The following MFHAS1 variants were observed in gnomAD, a reference collection of about 807,000 sequenced individuals.
MFHAS1 encodes the protein malignant fibrous histiocytoma-amplified sequence 1.
In MFHAS1, 50 loss-of-function variants were observed where a neutral mutation model predicts 70.4. The observed-to-expected ratio is 0.71, with a 90% CI of 0.57 to 0.90. The LOEUF (loss-of-function observed/expected upper bound fraction) is 0.90, where lower values mean the gene tolerates loss of function less well. MFHAS1 is among the 40% of genes least tolerant of loss of function. The pLI is 0.00. For synonymous variants in MFHAS1, 952 were observed against 620.0 expected (o/e 1.54, Z -7.96); for missense variants, 1,795 against 1,347.6 (o/e 1.33, Z -5.20).
chr8:8,848,219 C>T (rs1369231553), intron 1 of MFHAS1, among the ~76,000 whole-genome samples: 1 of 152,200 alleles, frequency 6.6e-6, no homozygotes, highest in Non-Finnish European at 1.5e-5. Flanking sequence ...TTGCCATCTG[C>T]ATCCTGCTGT....
chr8:8,837,714 C>G (rs1412670877), intron 1 of MFHAS1, among the ~76,000 whole-genome samples: 1 of 149,598 alleles, frequency 6.7e-6, no homozygotes, highest in Non-Finnish European at 1.5e-5. Context: ...AAATTTAAAA[C>G]ACAATGAGAT....
chr8:8,790,289 A>G (rs1805679545), intron 2 of MFHAS1: 15 of 790,428 alleles, frequency 1.9e-5, no homozygotes, highest in Non-Finnish European at 2.1e-5. Context: ...GGCCTTACCT[A>G]TTTAAGAAAT....
Position 8,890,363 on chromosome 8 carries a change from C to T in MFHAS1, c.2696G>A (p.Ser899Asn), listed in dbSNP as rs751453118. ...TFPLGLFARY[S>N]VQINSHVVHR... is the part of the protein sequence containing the mutation. Reference sequence around the variant, plus strand: ...CACCACATGGCTGTTGATCTGGACACTGTAGCGTGCAAACAACCCAAGTGG... The same window carrying T: ...CACCACATGGCTGTTGATCTGGACATTGTAGCGTGCAAACAACCCAAGTGG... Residue 899 changes from serine (S) to asparagine (N), a missense_variant, in exon 1 of 3, where the codon AGT becomes AAT. Transcript: ENST00000276282. 1 of 1,614,210 alleles carries T rather than the reference C, an allele frequency of 6.2e-7. No individual in the cohort carries two copies. The highest frequency in any genetic ancestry group is 8.5e-7 in the Non-Finnish European group (1 of 1,180,044).
chr8:8,890,024 G>A (rs1220893007), intron 1 of MFHAS1, 37 bp downstream of exon 1: 2 of 1,481,958 alleles, frequency 1.3e-6, no homozygotes, highest in Non-Finnish European at 1.8e-6. Context: ...ATATCTTACA[G>A]CATACCACAG....
chr8:8,791,859 T>C (rs1457896127), intron 2 of MFHAS1, among the ~76,000 whole-genome samples: 3 of 152,008 alleles, frequency 2.0e-5, no homozygotes, highest in Admixed American at 6.6e-5. Flanking sequence ...ATCCAGGAAA[T>C]AGGGGGCTGG....
At position 8,786,603 on chromosome 8, in the gene MFHAS1, G is replaced by A. The variant is rs560323743; in HGVS notation, c.3126-548C>T. On this transcript the variant is annotated intron_variant, in intron 2 of 2. Transcript: ENST00000276282. Reference sequence around the variant, plus strand: ...CTACTGCAGCCTCAGCAAATAAAGCGGGATTCAGTTCCGATAAAATGGTTA... The same window carrying A: ...CTACTGCAGCCTCAGCAAATAAAGCAGGATTCAGTTCCGATAAAATGGTTA... Among the ~76,000 whole-genome samples, 26 of 152,148 alleles carry A rather than the reference G, an allele frequency of 1.7e-4. No homozygotes were observed. The South Asian group carries it at 2.3e-3, about 13-fold the overall frequency.
intron 1 of MFHAS1, among the ~76,000 whole-genome samples, chr8:8,801,448 A>G (rs1461678188): frequency 1.3e-5 from 2 of 152,234 alleles, no homozygotes; most frequent in African/African-American, 4.8e-5. Context: ...AGCAGCAAGC[A>G]GAACAGTCCA....
intron 1 of MFHAS1, among the ~76,000 whole-genome samples, chr8:8,855,805 G>C (rs1458370683): frequency 6.6e-6 from 1 of 152,154 alleles, no homozygotes; most frequent in South Asian, 2.1e-4. Flanking sequence ...GCAGTGAGCC[G>C]AGATCACGCC....
At chr8:8,864,387 T>TC (rs1187310417) in intron 1 of MFHAS1, among the ~76,000 whole-genome samples, 2 of 152,220 alleles carry the variant, frequency 1.3e-5, no homozygotes, top group Non-Finnish European at 2.9e-5. Context: ...CTCCTCCTCC[T>TC]CTTTGCCCAC....
chr8:8,872,866 G>T lies in MFHAS1; in HGVS notation c.2998+17195C>A, dbSNP rs186449991. On this transcript the variant is annotated intron_variant, in intron 1 of 2. Transcript: ENST00000276282. ...GTGTTTTTCTTGGGGAGGGGGAAAT[G>T]CATATATTTCAGAGGCTTAACAAAT... is the stretch of plus-strand genomic sequence containing the variant. Among the ~76,000 whole-genome samples the T allele has an allele frequency of 1.7e-3, 265 of 152,314 alleles. 1 individual carries two copies. The Middle Eastern group carries it at 0.024, about 14-fold the overall frequency.
At chr8:8,801,125 G>A (rs530409878) in intron 1 of MFHAS1, among the ~76,000 whole-genome samples, 1 of 152,178 alleles carries the variant, frequency 6.6e-6, no homozygotes, top group South Asian at 2.1e-4. Flanking sequence ...TGAGGCAGCA[G>A]AATCGCTTGA....
chr8:8,890,286 C>T lies in MFHAS1; in HGVS notation c.2773G>A (p.Val925Met). The T allele has an allele frequency of 6.2e-7, 1 of 1,614,200 alleles. No individual in the cohort carries two copies. Among genetic ancestry groups the T allele is most frequent in the Non-Finnish European group, 8.5e-7 (1 of 1,180,030 alleles). Residue 925 changes from valine (V) to methionine (M), a missense_variant, in exon 1 of 3, where the codon GTG becomes ATG. Coordinates refer to ENST00000276282, the MANE Select transcript of MFHAS1 (RefSeq NM_004225.3). Reference protein sequence around the residue: ...QIFAYRGKVPVVVSYRPARGV... With the variant: ...QIFAYRGKVPMVVSYRPARGV... ...CTGGCAGGTCTGTAACTCACAACCA[C>T]AGGAACTTTCCCTCTATAGGCAAAG...
chr8:8,867,485 C>G (rs1808903763), intron 1 of MFHAS1, among the ~76,000 whole-genome samples: 1 of 151,816 alleles, frequency 6.6e-6, no homozygotes, highest in Non-Finnish European at 1.5e-5. Context: ...TTAATCCAAC[C>G]CCAGAATTTT....
intron 1 of MFHAS1, among the ~76,000 whole-genome samples, chr8:8,829,910 T>C (rs1165243499): frequency 6.6e-6 from 1 of 152,206 alleles, no homozygotes; most frequent in Non-Finnish European, 1.5e-5. Context: ...CCAGATGGTC[T>C]GCTGGGAAGA....
At position 8,891,163 on chromosome 8, in the gene MFHAS1, C is replaced by G; in HGVS notation, c.1896G>C (p.Pro632=). The stretch of plus-strand genomic sequence containing the variant: ...TGTCCCGAAGGCGTCGTAAGTGGCG[C>G]GGGTCCCTGCAGCTAACAGGCAACA... ...SPVLPVSCRD[P]RHLRRLRDKL... is the part of the protein sequence containing the mutation. The change falls in exon 1 of 3, where the codon CCG becomes CCC. Residue 632 remains proline (P), a synonymous_variant. Transcript: ENST00000276282. The surrounding 1 kb of genome is among the most constrained non-coding windows in gnomAD (Gnocchi z 5.4). 6.2e-7 allele frequency: 1 copy of G among 1,613,496 alleles called. No homozygotes were observed.
rs951067277 is a variant in MFHAS1 at position 8,787,142 on chromosome 8, G to A, written c.3126-1087C>T. 6.0e-5 allele frequency among the ~76,000 whole-genome samples: 9 copies of A among 151,158 alleles called. No individual in the cohort carries two copies. In the South Asian group the frequency reaches 1.3e-3, roughly 21 times the overall value. On this transcript the variant is annotated intron_variant, in intron 2 of 2. Coordinates refer to ENST00000276282, the MANE Select transcript of MFHAS1 (RefSeq NM_004225.3). ...GTTGCCCAGGCTGGAGTGCAGTGGC[G>A]CAATCTCGGCTCACTGCAAGCTCCG...
chr8:8,826,536 C>T (rs1204202148), intron 1 of MFHAS1, among the ~76,000 whole-genome samples: 1 of 152,136 alleles, frequency 6.6e-6, no homozygotes, highest in African/African-American at 2.4e-5. Flanking sequence ...AGTTCAAGAC[C>T]TGCCTGGCCA....
intron 1 of MFHAS1, among the ~76,000 whole-genome samples, chr8:8,848,496 C>T (rs895267907): frequency 1.5e-4 from 23 of 152,010 alleles, no homozygotes; most frequent in African/African-American, 4.8e-5. Context: ...AAGAGACACA[C>T]GTAAAGGGCA....
intron 1 of MFHAS1, among the ~76,000 whole-genome samples, chr8:8,848,339 T>C (rs185230508): frequency 1.3e-5 from 2 of 151,922 alleles, no homozygotes; most frequent in Non-Finnish European, 2.9e-5. Context: ...TGTTAGCCAT[T>C]TGGAGGGAGT....
Sources: gnomAD v4.1 joint callset for allele counts (sites outside exome capture counted in the v4.1 genomes callset) on GRCh38, gnomAD v4.1.1 for gene constraint, Gnocchi (gnomAD v3.1) non-coding constraint, MANE v1.5 for transcripts, NCBI Gene and HGNC (gene_info 2026-07-23, HGNC 2026-07-21) for gene names.